The following AIM2 variants were observed in gnomAD, a reference collection of about 807,000 sequenced individuals.
The protein encoded by AIM2 is absent in melanoma 2.
In AIM2, 30 loss-of-function variants were observed where a neutral mutation model predicts 27.7. That is an observed-to-expected ratio of 1.08 (90% CI 0.81 to 1.47). The LOEUF (loss-of-function observed/expected upper bound fraction) is 1.47. Ranked by LOEUF, AIM2 falls within the 40% of genes most tolerant of loss-of-function variation. AIM2 has a pLI of 0.00. For synonymous variants in AIM2, 141 were observed against 145.3 expected (o/e 0.97, Z 0.21); for missense variants, 358 against 411.3 (o/e 0.87, Z 1.12).
chr1:159,082,781 G>A (rs1165595071), intron 1 of AIM2, among the ~76,000 whole-genome samples: 1 of 152,108 alleles, frequency 6.6e-6, no homozygotes, highest in Non-Finnish European at 1.5e-5. Flanking sequence ...TGAATTTTGG[G>A]GGTAACACAA....
chr1:159,072,115 A>T (rs1656385824), intron 2 of AIM2, among the ~76,000 whole-genome samples: 1 of 152,234 alleles, frequency 6.6e-6, no homozygotes, highest in Non-Finnish European at 1.5e-5. Context: ...ATCCCAGATA[A>T]GAAAAACACA....
chr1:159,070,973 G>A (rs1420936039), intron 2 of AIM2, among the ~76,000 whole-genome samples: 3 of 152,278 alleles, frequency 2.0e-5, no homozygotes, highest in Admixed American at 6.5e-5. Context: ...CAATATTTGT[G>A]GACAAGCTTG....
chr1:159,081,753 T>C, upstream of AIM2: 1 of 201,536 alleles, frequency 5.0e-6, no homozygotes, highest in East Asian at 1.6e-4. Flanking sequence ...ACTTTAAAAG[T>C]AACAGACTCT....
intron 1 of AIM2, among the ~76,000 whole-genome samples, chr1:159,116,805 C>T (rs1647364638): frequency 6.6e-6 from 1 of 150,614 alleles, no homozygotes; most frequent in Non-Finnish European, 1.5e-5. Flanking sequence ...GCACATTGTG[C>T]ACATGTACCC....
At chr1:159,102,140 GC>G (rs1372949983) in intron 1 of AIM2, among the ~76,000 whole-genome samples, 1 of 152,200 alleles carries the variant, frequency 6.6e-6, no homozygotes, top group Non-Finnish European at 1.5e-5. Context: ...CTGCATCCCA[GC>G]TGCTTCAGCT....
intron 4 of AIM2, among the ~76,000 whole-genome samples, chr1:159,064,898 G>T (rs1486517090): frequency 6.6e-6 from 1 of 152,190 alleles, no homozygotes; most frequent in Non-Finnish European, 1.5e-5. Context: ...ACAGGAGGTT[G>T]GTCAGTTATT....
chr1:159,062,570 G>T lies in AIM2; in HGVS notation c.*122C>A. ...AATTATTCTATCCTAATTTGGTGGA[G>T]AGAGGAGCCTGTGAACTGCAGCTTT... On this transcript the variant is annotated 3_prime_UTR_variant, in exon 6 of 6. Coordinates refer to ENST00000368130, the MANE Select transcript of AIM2 (RefSeq NM_004833.3). 2 of 845,154 alleles carry T rather than the reference G, an allele frequency of 2.4e-6. No individual in the cohort carries two copies. The highest frequency in any genetic ancestry group is 3.9e-6 in the Non-Finnish European group (2 of 517,592). The allele number at this position is 845,154 out of a possible 1,614,324, so 52.4% of individuals were successfully genotyped here.
upstream of AIM2, chr1:159,081,700 A>G (rs1189420723): frequency 3.4e-5 from 8 of 233,656 alleles, no homozygotes; most frequent in East Asian, 9.0e-4. Flanking sequence ...TAAAAGGACA[A>G]TTAAGTTAAC....
At chr1:159,055,678 G>C in the AIM2 span, among the ~76,000 whole-genome samples, 1 of 152,316 alleles carries the variant, frequency 6.6e-6, no homozygotes, top group Admixed American at 6.5e-5. Context: ...AGGAAGAGCT[G>C]CATTAGGCAA....
intron 1 of AIM2, among the ~76,000 whole-genome samples, chr1:159,112,002 A>G (rs1657587828): frequency 6.6e-6 from 1 of 152,018 alleles, no homozygotes; most frequent in African/African-American, 2.4e-5. Context: ...AGATTGCCCC[A>G]CTGCACTCCA....
chr1:159,100,015 C>A (rs1273758042), intron 1 of AIM2, among the ~76,000 whole-genome samples: 1 of 152,210 alleles, frequency 6.6e-6, no homozygotes, highest in Non-Finnish European at 1.5e-5. Flanking sequence ...CCATAGTCTG[C>A]AACCAAATTA....
At chr1:159,067,934 G>A (rs1036987805) in intron 3 of AIM2, among the ~76,000 whole-genome samples, 2 of 152,042 alleles carry the variant, frequency 1.3e-5, no homozygotes, top group African/African-American at 4.8e-5. Context: ...TACTCTCTCA[G>A]CTAAATGGGG....
At chr1:159,068,054 G>T (rs1163735843) in intron 3 of AIM2, among the ~76,000 whole-genome samples, 2 of 151,948 alleles carry the variant, frequency 1.3e-5, no homozygotes, top group South Asian at 2.1e-4. Flanking sequence ...ATGCCAGACC[G>T]AGTGTCAGAG....
chr1:159,063,251 C>T (rs1345522856), intron 5 of AIM2, among the ~76,000 whole-genome samples: 1 of 152,122 alleles, frequency 6.6e-6, no homozygotes, highest in South Asian at 2.1e-4. Flanking sequence ...CTTTTTTGGG[C>T]TCTGTGGGCA....
intron 1 of AIM2, among the ~76,000 whole-genome samples, chr1:159,123,146 C>A (rs899771324): frequency 2.0e-5 from 3 of 152,118 alleles, no homozygotes; most frequent in Non-Finnish European, 4.4e-5. Flanking sequence ...CTAATAAAAT[C>A]TCTGTCATTA....
rs376898750 is a variant in AIM2 at position 159,066,035 on chromosome 1, C to T, written c.691G>A (p.Glu231Lys). 1.7e-4 allele frequency: 272 copies of T among 1,614,036 alleles called. No individual in the cohort carries two copies. The highest frequency in any genetic ancestry group is 2.2e-4 in the Non-Finnish European group (255 of 1,180,032). The stretch of plus-strand genomic sequence containing the variant: ...GGGACATTAACCTTTTGGTCAGATT[C>T]AGCATCTAACACACGTGAGGCGCTA... Reference protein sequence around the residue: ...VNSASRVLDAESDQKVNVPLN... With the variant: ...VNSASRVLDAKSDQKVNVPLN... Residue 231 changes from glutamate (E) to lysine (K), a missense_variant, in exon 4 of 6, where the codon GAA becomes AAA. Transcript: ENST00000368130.
At chr1:159,133,780 T>C (rs979726706) in intron 1 of AIM2, among the ~76,000 whole-genome samples, 1 of 152,222 alleles carries the variant, frequency 6.6e-6, no homozygotes, top group Non-Finnish European at 1.5e-5. Flanking sequence ...CCTCTTACTC[T>C]GTTATTAAAT....
upstream of AIM2, chr1:159,081,593 C>T (rs1046414091): frequency 1.6e-5 from 7 of 428,742 alleles, no homozygotes; most frequent in African/African-American, 8.5e-5. Context: ...TGTCACCATT[C>T]GTCTTTCTTC....
Position 159,073,448 on chromosome 1 carries a change from T to G in AIM2, c.52A>C (p.Thr18Pro). 1 of 1,614,156 alleles carries G rather than the reference T, an allele frequency of 6.2e-7. No individual in the cohort carries two copies. The highest frequency in any genetic ancestry group is 8.5e-7 in the Non-Finnish European group (1 of 1,180,022). The change falls in exon 2 of 6, where the codon ACT (threonine) becomes CCT (proline). Residue 18 changes from threonine to proline, a missense_variant. Thr to Pro is a conservative substitution (Grantham distance 38). Transcript: ENST00000368130. Reference sequence around the variant, plus strand: ...TTAAACCTATCCAGTTCCTCATCAGTGATGTTATCCAGGCCTGTTAGCAAG... The same window carrying G: ...TTAAACCTATCCAGTTCCTCATCAGGGATGTTATCCAGGCCTGTTAGCAAG... ...ILLLTGLDNI[T>P]DEELDRFKFF...
Sources: allele counts gnomAD v4.1 joint callset (sites outside exome capture counted in the v4.1 genomes callset), GRCh38; gene constraint gnomAD v4.1.1; transcripts MANE v1.5; gene names NCBI Gene and HGNC (gene_info 2026-07-23, HGNC 2026-07-21).